ZC3H12C: variants seen among roughly 807,000 people sequenced by gnomAD.
The protein encoded by ZC3H12C is zinc finger CCCH-type containing 12C, also known as probable ribonuclease ZC3H12C.
Under a neutral mutation model 76.3 loss-of-function variants are expected in ZC3H12C, and 20 were observed. That is an observed-to-expected ratio of 0.26 (90% CI 0.18 to 0.38). The LOEUF is 0.38. ZC3H12C is among the 10% of genes least tolerant of loss of function. ZC3H12C has a pLI of 1.00. For synonymous variants in ZC3H12C, 352 were observed against 399.6 expected (o/e 0.88, Z 1.42); for missense variants, 874 against 1,086.5 (o/e 0.80, Z 2.75).
chr11:110,154,834 T>A (rs1414186475), intron 3 of ZC3H12C, among the ~76,000 whole-genome samples: 3 of 69,844 alleles, frequency 4.3e-5, no homozygotes, highest in Admixed American at 2.0e-4. Flanking sequence ...ACAGCTTGAT[T>A]AAAAAAAAAA....
In ZC3H12C at chr11:110,159,449, C is replaced by A. The variant is rs766754150; in HGVS notation, c.1107C>A (p.Phe369Leu). The change falls in exon 4 of 6, where the codon TTC becomes TTA. Residue 369 changes from phenylalanine (F) to leucine (L), a missense_variant. By Grantham distance (22) the Phe-to-Leu change is conservative. This residue lies in a region of ZC3H12C where 269 missense variants were observed against 424.9 expected (regional missense o/e 0.63). Transcript: ENST00000278590. ...ATGAGAAGCCAGAATGGAAGAAGTT[C>A]ATAGATGAACGATTATTAATGTATT... The part of the protein sequence containing the change: ...LANEKPEWKK[F>L]IDERLLMYSF... 1 of 1,613,052 alleles carries A rather than the reference C, an allele frequency of 6.2e-7. No homozygotes were observed. Among genetic ancestry groups the A allele is most frequent in the Non-Finnish European group, 8.5e-7 (1 of 1,179,484 alleles).
chr11:110,102,444 G>T (rs1484876601), intron 1 of ZC3H12C, among the ~76,000 whole-genome samples: 1 of 152,024 alleles, frequency 6.6e-6, no homozygotes, highest in Admixed American at 6.6e-5. Flanking sequence ...GGAGCCTAAA[G>T]ATGTGACTGA....
intron 3 of ZC3H12C, among the ~76,000 whole-genome samples, chr11:110,159,005 C>T (rs981554422): frequency 6.6e-6 from 1 of 151,102 alleles, no homozygotes; most frequent in Admixed American, 6.6e-5. Context: ...CAGAATTTGC[C>T]CAGTCATGGT....
intron 1 of ZC3H12C, among the ~76,000 whole-genome samples, chr11:110,130,576 A>G (rs535027767): frequency 2.6e-4 from 39 of 152,344 alleles, no homozygotes; most frequent in African/African-American, 9.1e-4. Context: ...ATGAAAAGCT[A>G]ATAGACTACA....
chr11:110,163,525 C>A, intron 5 of ZC3H12C, 146 bp downstream of exon 5: 1 of 579,680 alleles, frequency 1.7e-6, no homozygotes, highest in Admixed American at 3.5e-5. Context: ...AACGTCTTAG[C>A]CATGAAAAAG....
At chr11:110,118,480 C>CA (rs1276042588) in intron 1 of ZC3H12C, among the ~76,000 whole-genome samples, 1 of 151,994 alleles carries the variant, frequency 6.6e-6, no homozygotes, top group Non-Finnish European at 1.5e-5. Flanking sequence ...GAAGAAAAAG[C>CA]AAAATATTTT....
chr11:110,153,578 G>A (rs1457934186), intron 3 of ZC3H12C, among the ~76,000 whole-genome samples: 1 of 151,236 alleles, frequency 6.6e-6, no homozygotes, highest in Non-Finnish European at 1.5e-5. Flanking sequence ...TACTTTTGTG[G>A]AAACTCTGAC....
chr11:110,115,269 CTAGTT>C (rs1455441244), intron 1 of ZC3H12C, among the ~76,000 whole-genome samples: 1 of 151,616 alleles, frequency 6.6e-6, no homozygotes, highest in Non-Finnish European at 1.5e-5. Context: ...CCACACCCAG[CTAGTT>C]TATTTATTTT....
At chr11:110,133,696 T>TA (rs1168661773) in intron 1 of ZC3H12C, among the ~76,000 whole-genome samples, 4 of 152,088 alleles carry the variant, frequency 2.6e-5, no homozygotes, top group East Asian at 1.9e-4. Flanking sequence ...ATTTAGTTAT[T>TA]AAAAAAAACT....
At position 110,138,322 on chromosome 11, in the gene ZC3H12C, C is replaced by T. The variant is rs907689045; in HGVS notation, c.773+908C>T. ...TCAGAAGGTGATCTGATGATGCCTA[C>T]CAGAGAATCATCTGAGGGACTTATG... is the stretch of plus-strand genomic sequence containing the variant. On this transcript the variant is annotated intron_variant, in intron 2 of 5. Transcript: ENST00000278590. Among the ~76,000 whole-genome samples the T allele has an allele frequency of 6.6e-5, 10 of 152,086 alleles. No individual in the cohort carries two copies. In the South Asian group the frequency reaches 1.9e-3, roughly 28 times the overall value.
At chr11:110,146,268 A>G (rs1047849726) in intron 2 of ZC3H12C, among the ~76,000 whole-genome samples, 1 of 152,196 alleles carries the variant, frequency 6.6e-6, no homozygotes, top group Non-Finnish European at 1.5e-5. Context: ...AATTACAGGC[A>G]TGAGCCGTCG....
intron 1 of ZC3H12C, among the ~76,000 whole-genome samples, chr11:110,106,125 G>A (rs1861321078): frequency 1.5e-5 from 1 of 67,532 alleles, no homozygotes; most frequent in African/African-American, 6.2e-5. Flanking sequence ...AAAATTAGCC[G>A]GGCGTGGTAG....
At position 110,166,215 on chromosome 11, in the gene ZC3H12C, A is replaced by G. The variant is rs2134204605; in HGVS notation, c.*478A>G. ...AGACTCTTTTACAGCTTTTTAAGTT[A>G]TTTTTATTTGGGGAAAGTGGGCTTC... On this transcript the variant is annotated 3_prime_UTR_variant, in exon 6 of 6. Transcript: ENST00000278590. 6.5e-6 allele frequency: 1 copy of G among 154,880 alleles called. No homozygotes were observed. The highest frequency in any genetic ancestry group is 2.4e-5 in the African/African-American group (1 of 41,542). 9.6% of individuals were successfully genotyped at this position (154,880 alleles called of 1,614,324 possible).
intron 1 of ZC3H12C, among the ~76,000 whole-genome samples, chr11:110,101,000 A>G (rs1156408194): frequency 1.3e-5 from 2 of 152,238 alleles, no homozygotes; most frequent in Non-Finnish European, 2.9e-5. Context: ...GAGGAGATTA[A>G]AAGTGCTACT....
intron 1 of ZC3H12C, among the ~76,000 whole-genome samples, chr11:110,126,897 T>G (rs1018063434): frequency 6.6e-6 from 1 of 152,190 alleles, no homozygotes; most frequent in African/African-American, 2.4e-5. Context: ...TTATATAAAG[T>G]TATTTATATT....
rs935869239 is a variant in ZC3H12C at position 110,131,165 on chromosome 11, A to G, written c.22-5498A>G. 19 of 1,291,150 alleles carry G rather than the reference A, an allele frequency of 1.5e-5. No individual in the cohort carries two copies. In the African/African-American group the frequency reaches 2.5e-4, roughly 17 times the overall value. 80.0% of individuals were successfully genotyped at this position (1,291,150 alleles called of 1,614,324 possible). The stretch of plus-strand genomic sequence containing the variant: ...TTAAACTTTGCTAAATATTCAGAGT[A>G]TTAATTTGAACTCTGTAAAAGAAAT... On this transcript the variant is annotated intron_variant, in intron 1 of 5. Transcript: ENST00000278590.
At chr11:110,132,111 TAAC>T (rs1861877543) in intron 1 of ZC3H12C, among the ~76,000 whole-genome samples, 1 of 152,230 alleles carries the variant, frequency 6.6e-6, no homozygotes, top group Non-Finnish European at 1.5e-5. Flanking sequence ...ACCATTTGGA[TAAC>T]AACCAGAACC....
Position 110,093,401 on chromosome 11 carries a change from C to T in ZC3H12C, c.-11C>T. ...CCGCCGCCCGCTCGCCGCTTTCTCGCGGGGCTGGCTATGCCGGGTGGCGGC... is the reference window on the plus strand; with the variant it reads ...CCGCCGCCCGCTCGCCGCTTTCTCGTGGGGCTGGCTATGCCGGGTGGCGGC... On this transcript the variant is annotated 5_prime_UTR_variant, in exon 1 of 6. Transcript: ENST00000278590. 8.4e-7 allele frequency: 1 copy of T among 1,189,310 alleles called. No homozygotes were observed. The highest frequency in any genetic ancestry group is 1.0e-6 in the Non-Finnish European group (1 of 959,774). 73.7% of individuals were successfully genotyped at this position (1,189,310 alleles called of 1,614,324 possible).
intron 1 of ZC3H12C, among the ~76,000 whole-genome samples, chr11:110,099,926 A>G (rs1197905618): frequency 4.6e-5 from 7 of 151,590 alleles, no homozygotes; most frequent in Admixed American, 3.9e-4. Context: ...ACACTTGCAT[A>G]TTAGATGATA....
Sources: gnomAD v4.1 joint callset for allele counts (sites outside exome capture counted in the v4.1 genomes callset) on GRCh38, gnomAD v4.1.1 for gene constraint, gnomAD v4.1.1 regional missense constraint, MANE v1.5 for transcripts, NCBI Gene and HGNC (gene_info 2026-07-23, HGNC 2026-07-21) for gene names.